Variants in ULK4 observed in about 807,000 individuals in gnomAD.
ULK4 encodes inactive serine/threonine-protein kinase ULK4.
A neutral mutation model predicts 160.6 loss-of-function variants in ULK4; 133 were observed. That is an observed-to-expected ratio of 0.83 (90% CI 0.72 to 0.96). The LOEUF is 0.96. ULK4 is among the 40% of genes least tolerant of loss of function. ULK4 has a pLI of 0.00. For synonymous variants in ULK4, 534 were observed against 539.8 expected (o/e 0.99, Z 0.15); for missense variants, 1,580 against 1,499.5 (o/e 1.05, Z -0.89).
chr3:41,397,842 G>A (rs2082094828), intron 35 of ULK4, among the ~76,000 whole-genome samples: 1 of 152,080 alleles, frequency 6.6e-6, no homozygotes, highest in African/African-American at 2.4e-5. Flanking sequence ...GGAGTGTGAG[G>A]CACAATGTCT....
chr3:41,299,567 G>A (rs1462053645), intron 35 of ULK4, among the ~76,000 whole-genome samples: 1 of 152,212 alleles, frequency 6.6e-6, no homozygotes, highest in African/African-American at 2.4e-5. Context: ...CGTGGCTCTT[G>A]TTTTAAGTCA....
intron 32 of ULK4, among the ~76,000 whole-genome samples, chr3:41,513,200 A>G (rs1269827430): frequency 6.6e-6 from 1 of 152,222 alleles, no homozygotes; most frequent in East Asian, 1.9e-4. Context: ...AGATTCTAGA[A>G]GATAACACCA....
chr3:41,917,708 G>A (rs953823875), intron 7 of ULK4, among the ~76,000 whole-genome samples: 3 of 152,036 alleles, frequency 2.0e-5, no homozygotes, highest in Non-Finnish European at 4.4e-5. Context: ...TAGGCCGGGC[G>A]CAGTGGCTCA....
chr3:41,874,474 A>C lies in ULK4; in HGVS notation c.1656+9400T>G, dbSNP rs1697225327. ...TATTCTTAAGTCAATAATTCTTACA[A>C]TATTTCACTCTTTTAAAGAACTAAA... On this transcript the variant is annotated intron_variant, in intron 17 of 36. Coordinates refer to ENST00000301831, the MANE Select transcript of ULK4 (RefSeq NM_017886.4). Among the ~76,000 whole-genome samples, 4 of 152,242 alleles carry C rather than the reference A, an allele frequency of 2.6e-5. No homozygotes were observed. The South Asian group carries it at 8.3e-4, about 32-fold the overall frequency.
chr3:41,657,451 T>C (rs2034979218), intron 30 of ULK4, among the ~76,000 whole-genome samples: 2 of 152,146 alleles, frequency 1.3e-5, no homozygotes, highest in African/African-American at 4.8e-5. Flanking sequence ...TAACAAATGG[T>C]TCATGGTTAT....
intron 19 of ULK4, among the ~76,000 whole-genome samples, chr3:41,816,745 A>C (rs898814990): frequency 6.6e-6 from 1 of 151,946 alleles, no homozygotes; most frequent in Non-Finnish European, 1.5e-5. Context: ...CCAGAGGCGG[A>C]GGTTGCAGGG....
intron 32 of ULK4, among the ~76,000 whole-genome samples, chr3:41,479,723 C>T (rs1167849194): frequency 2.0e-5 from 3 of 152,088 alleles, no homozygotes; most frequent in African/African-American, 7.2e-5. Context: ...CATGCAGATT[C>T]CTAAAACTCC....
intron 32 of ULK4, among the ~76,000 whole-genome samples, chr3:41,542,954 C>A (rs1180813175): frequency 1.3e-5 from 2 of 152,034 alleles, no homozygotes; most frequent in Non-Finnish European, 2.9e-5. Context: ...GGACAGGAAT[C>A]AGGCTGAGAA....
At chr3:41,654,349 G>A (rs1178845518) in intron 30 of ULK4, among the ~76,000 whole-genome samples, 1 of 152,114 alleles carries the variant, frequency 6.6e-6, no homozygotes, top group African/African-American at 2.4e-5. Flanking sequence ...ACCATTAGCA[G>A]TTGAATCAAG....
At chr3:41,499,740 G>A (rs555707904) in intron 32 of ULK4, among the ~76,000 whole-genome samples, 264 of 152,288 alleles carry the variant, frequency 1.7e-3, no homozygotes, top group Non-Finnish European at 2.9e-3. Context: ...ACATGTGTAT[G>A]GCACATTGGG....
At chr3:41,694,592 GA>G (rs771499945) in intron 27 of ULK4, among the ~76,000 whole-genome samples, 32 of 152,112 alleles carry the variant, frequency 2.1e-4, no homozygotes, top group Non-Finnish European at 3.4e-4. Context: ...ATTGGTTCCA[GA>G]ATCCCTTTCC....
At chr3:41,655,832 C>G (rs1283367612) in intron 30 of ULK4, among the ~76,000 whole-genome samples, 1 of 152,164 alleles carries the variant, frequency 6.6e-6, no homozygotes, top group Non-Finnish European at 1.5e-5. Flanking sequence ...ACAAATATCT[C>G]AAACATCTCT....
intron 31 of ULK4, among the ~76,000 whole-genome samples, chr3:41,576,179 G>A (rs929356647): frequency 2.6e-5 from 4 of 152,190 alleles, no homozygotes; most frequent in African/African-American, 9.7e-5. Flanking sequence ...CTGTCGAAAA[G>A]TAAAAATAGC....
At chr3:41,936,678 C>A (rs1255313339) in intron 3 of ULK4, among the ~76,000 whole-genome samples, 1 of 152,092 alleles carries the variant, frequency 6.6e-6, no homozygotes, top group Admixed American at 6.6e-5. Context: ...AGACAAACAT[C>A]GCATGTCCTC....
rs577645511 is a variant in ULK4 at position 41,874,902 on chromosome 3, A to C, written c.1656+8972T>G. Among the ~76,000 whole-genome samples the C allele has an allele frequency of 2.0e-5, 3 of 152,350 alleles. No homozygotes were observed. The South Asian group carries it at 6.2e-4, about 32-fold the overall frequency. On this transcript the variant is annotated intron_variant, in intron 17 of 36. Coordinates refer to ENST00000301831, the MANE Select transcript of ULK4 (RefSeq NM_017886.4). ...TATTAATTAATTAGCAGTCAGGTGC[A>C]GTAGCTCATGCCTGTAATCCCAGCA...
intron 33 of ULK4, among the ~76,000 whole-genome samples, chr3:41,459,018 T>G (rs925796732): frequency 1.3e-5 from 2 of 150,834 alleles, no homozygotes; most frequent in Non-Finnish European, 2.9e-5. Context: ...CCTCCCAAAG[T>G]GCTGGGATTA....
At chr3:41,642,547 C>G (rs2034264818) in intron 30 of ULK4, among the ~76,000 whole-genome samples, 1 of 152,174 alleles carries the variant, frequency 6.6e-6, no homozygotes, top group South Asian at 2.1e-4. Flanking sequence ...GCACAGTATT[C>G]CATGGTGTAT....
chr3:41,376,142 G>A (rs1268045734), intron 35 of ULK4, among the ~76,000 whole-genome samples: 1 of 150,378 alleles, frequency 6.6e-6, no homozygotes, highest in Non-Finnish European at 1.5e-5. Context: ...AACAGATGCT[G>A]GAGAGGATGT....
intron 2 of ULK4, among the ~76,000 whole-genome samples, chr3:41,946,138 T>A (rs1436600792): frequency 2.0e-5 from 3 of 152,206 alleles, no homozygotes; most frequent in Non-Finnish European, 4.4e-5. Context: ...CATACAATTA[T>A]GGTTTGTATA....
Sources: allele counts gnomAD v4.1 joint callset (sites outside exome capture counted in the v4.1 genomes callset), GRCh38; gene constraint gnomAD v4.1.1; transcripts MANE v1.5; gene names NCBI Gene and HGNC (gene_info 2026-07-23, HGNC 2026-07-21).